Variants in RP2 observed in about 807,000 individuals in gnomAD.
The protein encoded by RP2 is protein XRP2.
A neutral mutation model predicts 20.3 loss-of-function variants in RP2; 3 were observed. The observed-to-expected ratio is 0.15, with a 90% CI of 0.07 to 0.38. The LOEUF (loss-of-function observed/expected upper bound fraction) is 0.38, where lower values mean the gene tolerates loss of function less well. RP2 is among the 10% of genes least tolerant of loss of function. The probability of loss-of-function intolerance (pLI) is 1.00; values close to 1 mark genes in which losing one functional copy is unlikely to be tolerated. For synonymous variants in RP2, 75 were observed against 94.8 expected (o/e 0.79, Z 1.22); for missense variants, 233 against 268.5 (o/e 0.87, Z 0.92).
intron 1 of RP2, among the ~76,000 whole-genome samples, chrX:46,840,138 T>A (rs2032425425): frequency 1.8e-5 from 2 of 111,813 alleles, no homozygotes; most frequent in African/African-American, 6.5e-5. Context: ...CCACCACGCC[T>A]GGCTAATTTT....
rs1291419001 is a variant in RP2, at chrX:46,847,819, TGTG to T, written c.103-5656_103-5654del. Among the ~76,000 whole-genome samples, 4 of 99,357 alleles carry T rather than the reference TGTG, an allele frequency of 4.0e-5. No individual in the cohort carries two copies. The East Asian group carries it at 1.3e-3, about 32-fold the overall frequency. 86.3% of individuals were successfully genotyped at this position (99,357 alleles called of 115,157 possible). A position where few individuals can be genotyped will look rare whatever the true frequency, so the allele number is the denominator to read the frequency against. ...GTGTGTATATATATACACACATATA[TGTG>T]TATATGTGTATATATGTGTGTATAT... is the stretch of plus-strand genomic sequence containing the variant. On this transcript the variant is annotated intron_variant, in intron 1 of 4. Transcript: ENST00000218340.
At chrX:46,837,383 G>C (rs1451053252) in intron 1 of RP2, among the ~76,000 whole-genome samples, 181 bp downstream of exon 1, 2 of 111,580 alleles carry the variant, frequency 1.8e-5, no homozygotes, top group Non-Finnish European at 3.8e-5. Flanking sequence ...GCGCTAGAGA[G>C]GCCGCCCAGA....
At chrX:46,842,725 T>C (rs781829721) in intron 1 of RP2, among the ~76,000 whole-genome samples, 1 of 112,037 alleles carries the variant, frequency 8.9e-6, no homozygotes, top group African/African-American at 3.2e-5. Flanking sequence ...GGAGCCACAA[T>C]ATTTAGCCTT....
At chrX:46,841,048 G>T (rs1038494904) in intron 1 of RP2, among the ~76,000 whole-genome samples, 1 of 112,179 alleles carries the variant, frequency 8.9e-6, no homozygotes, top group African/African-American at 3.2e-5. Context: ...TAAGGTAAAG[G>T]CCTGTCCTGA....
chrX:46,858,653 T>A (rs1041591213), intron 2 of RP2, among the ~76,000 whole-genome samples: 6 of 110,007 alleles, frequency 5.5e-5, no homozygotes, highest in Admixed American at 2.9e-4. Context: ...AATTTTTTTT[T>A]ATAAAGATGG....
intron 1 of RP2, 91 bp downstream of exon 1, chrX:46,837,293 A>G: frequency 1.1e-6 from 1 of 885,711 alleles, no homozygotes. Context: ...GGCCGACCCA[A>G]CTGCTGCCGC....
At chrX:46,844,512 T>C (rs1325197604) in intron 1 of RP2, among the ~76,000 whole-genome samples, 3 of 111,356 alleles carry the variant, frequency 2.7e-5, no homozygotes, top group Non-Finnish European at 5.6e-5. Flanking sequence ...ATGAACTCAT[T>C]CTTTTTTATG....
intron 3 of RP2, among the ~76,000 whole-genome samples, chrX:46,861,939 T>C (rs1925071336): frequency 8.9e-6 from 1 of 112,423 alleles, no homozygotes; most frequent in African/African-American, 3.2e-5. Flanking sequence ...GTTCATCTGC[T>C]GTTTATGGAA....
At chrX:46,849,155 A>G (rs1924813640) in intron 1 of RP2, among the ~76,000 whole-genome samples, 1 of 111,237 alleles carries the variant, frequency 9.0e-6, no homozygotes, top group Non-Finnish European at 1.9e-5. Context: ...GTAACCTGCA[A>G]AATTACGAAG....
At chrX:46,853,388 A>G (rs186266690) in intron 1 of RP2, 88 bp from the exon 2 acceptor site, 2 of 844,537 alleles carry the variant, frequency 2.4e-6, no homozygotes, top group East Asian at 6.3e-5. Flanking sequence ...TTCAGCACTA[A>G]GAACTGTGCC....
At chrX:46,839,615 T>C (rs1322685776) in intron 1 of RP2, among the ~76,000 whole-genome samples, 2 of 111,719 alleles carry the variant, frequency 1.8e-5, no homozygotes, top group African/African-American at 3.2e-5. Flanking sequence ...TGAGGTTAAT[T>C]TGGGCTAGTG....
At chrX:46,849,049 T>C (rs1427252925) in intron 1 of RP2, among the ~76,000 whole-genome samples, 3 of 110,459 alleles carry the variant, frequency 2.7e-5, no homozygotes, top group African/African-American at 9.9e-5. Context: ...AAATACAGTC[T>C]AAACTAAACT....
chrX:46,839,277 C>T (rs1435077707), intron 1 of RP2, among the ~76,000 whole-genome samples: 2 of 111,524 alleles, frequency 1.8e-5, no homozygotes, highest in Non-Finnish European at 3.8e-5. Flanking sequence ...TAGGGCCAGG[C>T]ATGGTGACTC....
At chrX:46,875,499 TATAC>T (rs1197529550) in intron 3 of RP2, among the ~76,000 whole-genome samples, 2 of 111,209 alleles carry the variant, frequency 1.8e-5, no homozygotes, top group Non-Finnish European at 3.8e-5. Flanking sequence ...CCTCCATTGG[TATAC>T]AGTGAATTTT....
At chrX:46,859,318 CA>C (rs782398617) in intron 2 of RP2, among the ~76,000 whole-genome samples, 5 of 108,767 alleles carry the variant, frequency 4.6e-5, no homozygotes, top group Non-Finnish European at 9.5e-5. Flanking sequence ...CCTGTTTCTA[CA>C]AAAAAAATTT....
At chrX:46,869,971 G>A (rs1322701155) in intron 3 of RP2, among the ~76,000 whole-genome samples, 2 of 111,945 alleles carry the variant, frequency 1.8e-5, no homozygotes, top group East Asian at 2.8e-4. Context: ...CTGTTGATTC[G>A]TTAACATTGA....
At chrX:46,866,189 T>C (rs1222634700) in intron 3 of RP2, among the ~76,000 whole-genome samples, 1 of 111,534 alleles carries the variant, frequency 9.0e-6, no homozygotes, top group African/African-American at 3.3e-5. Context: ...GTATCAACCA[T>C]TTCTCCAAGG....
At chrX:46,879,626 G>A (rs781793012) in intron 4 of RP2, 60 bp from the exon 5 acceptor site, 28 of 725,154 alleles carry the variant, frequency 3.9e-5, no homozygotes, top group Non-Finnish European at 4.3e-6. Flanking sequence ...GAGAACATGG[G>A]CTTTGGCATT....
At chrX:46,847,745 T>C (rs1418308436) in intron 1 of RP2, among the ~76,000 whole-genome samples, 2 of 80,048 alleles carry the variant, frequency 2.5e-5, no homozygotes, top group African/African-American at 1.2e-4. Flanking sequence ...TACACACATA[T>C]GTGTGTGTGT....
Sources: gnomAD v4.1 joint callset for allele counts (sites outside exome capture counted in the v4.1 genomes callset) on GRCh38, gnomAD v4.1.1 for gene constraint, MANE v1.5 for transcripts, NCBI Gene and HGNC (gene_info 2026-07-23, HGNC 2026-07-21) for gene names.